The following WLS variants were observed in gnomAD, a reference collection of about 807,000 sequenced individuals.
The protein encoded by WLS is protein wntless homolog.
WLS carries 23 observed loss-of-function variants against 62.8 expected under a neutral mutation model. The observed-to-expected ratio is 0.37, with a 90% CI of 0.26 to 0.52. The LOEUF is 0.52. WLS is among the 20% of genes least tolerant of loss of function. The pLI is 0.92. For synonymous variants in WLS, 246 were observed against 244.1 expected, an observed-to-expected ratio of 1.01 and a Z score of -0.07; for missense variants, 615 against 697.3, an observed-to-expected ratio of 0.88 and a Z score of 1.33.
At chr1:68,219,210 T>A (rs2100658321) in intron 1 of WLS, among the ~76,000 whole-genome samples, 1 of 152,352 alleles carries the variant, frequency 6.6e-6, no homozygotes, top group Non-Finnish European at 1.5e-5. Context: ...CCACAGTCAA[T>A]TATCTGGCTT....
intron 2 of WLS, among the ~76,000 whole-genome samples, chr1:68,190,941 C>G (rs1648260889): frequency 6.6e-6 from 1 of 151,890 alleles, no homozygotes; most frequent in Non-Finnish European, 1.5e-5. Context: ...GCCTATAATC[C>G]CAGCTACTCG....
chr1:68,135,181 C>T (rs1256678039), intron 11 of WLS, among the ~76,000 whole-genome samples: 3 of 152,058 alleles, frequency 2.0e-5, no homozygotes, highest in African/African-American at 4.8e-5. Flanking sequence ...CTATCTATCA[C>T]CCAGGTTAGA....
At chr1:68,190,336 T>G (rs943422940) in intron 2 of WLS, among the ~76,000 whole-genome samples, 7 of 152,236 alleles carry the variant, frequency 4.6e-5, no homozygotes, top group Non-Finnish European at 8.8e-5. Context: ...AGTCAGCCTC[T>G]AAGATGGTCC....
rs775662852 is a variant in WLS, at chr1:68,159,124, T to C, written c.503A>G (p.Lys168Arg). The C allele has an allele frequency of 1.2e-6, 2 of 1,613,788 alleles. No individual in the cohort carries two copies. Among genetic ancestry groups the C allele is most frequent in the South Asian group, 1.1e-5 (1 of 91,048 alleles). ...AGCTTAGACAGCAAGGGGTCATACC[T>C]TGGGAGATGTGAAGGTGCATTTGAG... is the stretch of plus-strand genomic sequence containing the variant. ...RKLKCTFTSPKTPEHEGRYYE... is the reference protein window; with the variant it reads ...RKLKCTFTSPRTPEHEGRYYE... The change falls in exon 3 of 12, where the codon AAG (lysine) becomes AGG (arginine). Residue 168 changes from lysine (K) to arginine (R), a missense_variant and splice_region_variant. Coordinates refer to ENST00000262348, the MANE Select transcript of WLS (RefSeq NM_024911.7).
At chr1:68,102,651 T>G (rs1005161855) in intron 11 of WLS, 3 of 152,176 alleles carry the variant, frequency 2.0e-5, no homozygotes, top group Non-Finnish European at 4.4e-5. Context: ...CTCAATTGGT[T>G]CAGAATCAGA....
At position 68,194,003 on chromosome 1, in the gene WLS, G is replaced by C. The variant is rs1280908953; in HGVS notation, c.331C>G (p.Leu111Val). 1 of 1,614,204 alleles carries C rather than the reference G, an allele frequency of 6.2e-7. No homozygotes were observed. Among genetic ancestry groups the C allele is most frequent in the East Asian group, 2.2e-5 (1 of 44,882 alleles). ...MEMSPWFQFMLFILQLDIAFK... is the reference protein window; with the variant it reads ...MEMSPWFQFMVFILQLDIAFK... ...GCAATGTCCAGCTGCAGGATAAACA[G>C]CATGAATTGGAACCAAGGACTCATC... The change falls in exon 2 of 12, where the codon CTG (leucine) becomes GTG (valine). Residue 111 changes from leucine to valine, a missense_variant. By Grantham distance (32) the Leu-to-Val change is conservative (BLOSUM62 1). Coordinates refer to ENST00000262348, the MANE Select transcript of WLS (RefSeq NM_024911.7).
chr1:68,214,939 T>C (rs1236302714), intron 1 of WLS, among the ~76,000 whole-genome samples: 6 of 152,126 alleles, frequency 3.9e-5, no homozygotes, highest in African/African-American at 1.4e-4. Context: ...ATTCTGTGAG[T>C]TGAAATTCAG....
intron 1 of WLS, among the ~76,000 whole-genome samples, chr1:68,194,540 A>C (rs1648556428): frequency 6.6e-6 from 1 of 152,192 alleles, no homozygotes; most frequent in South Asian, 2.1e-4. Flanking sequence ...TACAGTTCCC[A>C]CCTGATTGAG....
At chr1:68,198,888 G>T (rs1193756298) in intron 1 of WLS, among the ~76,000 whole-genome samples, 3 of 152,156 alleles carry the variant, frequency 2.0e-5, no homozygotes, top group Non-Finnish European at 4.4e-5. Context: ...TAAACCTGTA[G>T]TACTTCTTTT....
At chr1:68,219,653 T>C (rs1432010805) in intron 1 of WLS, among the ~76,000 whole-genome samples, 1 of 152,204 alleles carries the variant, frequency 6.6e-6, no homozygotes, top group East Asian at 1.9e-4. Flanking sequence ...TACATTGCAT[T>C]GATCTGTAGT....
chr1:68,173,703 G>C (rs976437146), intron 2 of WLS, among the ~76,000 whole-genome samples: 1 of 152,124 alleles, frequency 6.6e-6, no homozygotes, highest in Non-Finnish European at 1.5e-5. Flanking sequence ...AACCAGCTAA[G>C]TATTTTGCCC....
At chr1:68,163,569 C>T (rs889423112) in intron 2 of WLS, among the ~76,000 whole-genome samples, 1 of 150,886 alleles carries the variant, frequency 6.6e-6, no homozygotes, top group Non-Finnish European at 1.5e-5. Flanking sequence ...CTCCCCACCA[C>T]TCCCCCTCCC....
At chr1:68,161,229 G>A (rs1646968115) in intron 2 of WLS, among the ~76,000 whole-genome samples, 1 of 152,160 alleles carries the variant, frequency 6.6e-6, no homozygotes, top group South Asian at 2.1e-4. Flanking sequence ...ACAGGAGCCT[G>A]TACTGTCTTC....
At chr1:68,135,305 C>CTTGTT (rs1646591381) in intron 11 of WLS, among the ~76,000 whole-genome samples, 1 of 66,762 alleles carries the variant, frequency 1.5e-5, no homozygotes, top group Non-Finnish European at 2.6e-5. Flanking sequence ...CCATGCCTGG[C>CTTGTT]TTTTTTTTTT....
At chr1:68,193,433 AAAAAAAAAACG>A (rs1178570897) in intron 2 of WLS, among the ~76,000 whole-genome samples, 5 of 141,602 alleles carry the variant, frequency 3.5e-5, no homozygotes, top group South Asian at 2.2e-4. Context: ...AAAAAAAAAA[AAAAAAAAAACG>A]AAAAAAAAAC....
At chr1:68,153,953 G>A (rs1033714134) in intron 4 of WLS, among the ~76,000 whole-genome samples, 3 of 152,112 alleles carry the variant, frequency 2.0e-5, no homozygotes, top group African/African-American at 7.2e-5. Flanking sequence ...ATGGGGCTTT[G>A]GGGCAGGGTC....
intron 11 of WLS, among the ~76,000 whole-genome samples, chr1:68,102,889 G>A (rs942855426): frequency 6.6e-6 from 1 of 152,154 alleles, no homozygotes; most frequent in South Asian, 2.1e-4. Flanking sequence ...TCTTGGCTTT[G>A]TCCAAGTAGA....
At chr1:68,148,256 C>T in intron 7 of WLS, 57 bp from the exon 8 acceptor site, 1 of 1,571,500 alleles carries the variant, frequency 6.4e-7, no homozygotes, top group East Asian at 2.2e-5. Context: ...GCAACGGGAA[C>T]TTTCCTTTTC....
chr1:68,181,259 T>C (rs972625588), intron 2 of WLS, among the ~76,000 whole-genome samples: 4 of 152,148 alleles, frequency 2.6e-5, no homozygotes, highest in African/African-American at 4.8e-5. Flanking sequence ...AAAAATACCT[T>C]CTATACATTG....
Sources: allele counts gnomAD v4.1 joint callset (sites outside exome capture counted in the v4.1 genomes callset), GRCh38; gene constraint gnomAD v4.1.1; transcripts MANE v1.5; gene names NCBI Gene and HGNC (gene_info 2026-07-23, HGNC 2026-07-21).